Variants in RNF17 observed in about 807,000 individuals in gnomAD.
The protein encoded by RNF17 is ring finger protein 17.
RNF17 carries 31 observed loss-of-function variants against 200.5 expected under a neutral mutation model. The observed-to-expected ratio is 0.15, with a 90% CI of 0.12 to 0.21. The LOEUF (loss-of-function observed/expected upper bound fraction) is 0.21. Among genes scored for constraint, RNF17 ranks in the 10% least tolerant of loss-of-function variants. The probability of loss-of-function intolerance (pLI) is 1.00; values close to 1 mark genes in which losing one functional copy is unlikely to be tolerated. For missense variants in RNF17, 1,628 were observed against 1,905.1 expected (o/e 0.85, Z 2.71); for synonymous variants, 606 against 637.8 (o/e 0.95, Z 0.75).
chr13:24,829,062 A>C (rs969480989), intron 16 of RNF17, among the ~76,000 whole-genome samples: 1 of 152,192 alleles, frequency 6.6e-6, no homozygotes, highest in African/African-American at 2.4e-5. Flanking sequence ...CTGAGATTAC[A>C]GGTGTGAGCC....
intron 1 of RNF17, 105 bp downstream of exon 1, chr13:24,764,438 T>G: frequency 7.1e-7 from 1 of 1,410,990 alleles, no homozygotes; most frequent in South Asian, 1.6e-5. Context: ...CATCCAATCC[T>G]GGTGTCACCA....
chr13:24,853,168 TCTCCCAAAGTG>T (rs1188538026), intron 24 of RNF17, among the ~76,000 whole-genome samples: 1 of 151,990 alleles, frequency 6.6e-6, no homozygotes, highest in East Asian at 1.9e-4. Flanking sequence ...CCTGCCTCAG[TCTCCCAAAGTG>T]CTGGGATTAT....
At chr13:24,884,178 A>G, downstream of RNF17, 1 of 1,614,162 alleles carries the variant, frequency 6.2e-7, no homozygotes, top group Non-Finnish European at 8.5e-7. Context: ...TCCACTTGAG[A>G]AATGTAAGAC....
downstream of RNF17, among the ~76,000 whole-genome samples, chr13:24,884,837 T>C (rs886220109): frequency 4.6e-5 from 7 of 152,210 alleles, no homozygotes; most frequent in Non-Finnish European, 1.0e-4. Context: ...ATTCGAAAAG[T>C]AAATTTTCCA....
chr13:24,850,121 T>C (rs925481615), intron 22 of RNF17, among the ~76,000 whole-genome samples: 12 of 151,942 alleles, frequency 7.9e-5, no homozygotes, highest in African/African-American at 2.7e-4. Context: ...TAAGTTAATA[T>C]GTAATATGGG....
At chr13:24,773,002 A>G (rs1480407587) in intron 2 of RNF17, among the ~76,000 whole-genome samples, 1 of 152,194 alleles carries the variant, frequency 6.6e-6, no homozygotes, top group Non-Finnish European at 1.5e-5. Context: ...ATCAAAACCC[A>G]CAATGAGATA....
At chr13:24,884,339 A>T (rs750428180), downstream of RNF17, 103 of 1,614,084 alleles carry the variant, frequency 6.4e-5, no homozygotes, top group South Asian at 3.3e-4. Flanking sequence ...TTGGTCTGGC[A>T]TGACCTGCTT....
rs71431712 is a variant in RNF17 at position 24,847,349 on chromosome 13, A to T, written c.3101+2270A>T. On this transcript the variant is annotated intron_variant, in intron 22 of 35. Transcript: ENST00000255324. ...ACCTGATCTTTTTATTTATTTATTT[A>T]TTTTTTTTTTTTTTGAGACAGAGTC... Among the ~76,000 whole-genome samples the T allele has an allele frequency of 1.3e-3, 175 of 138,948 alleles. 2 individuals carry two copies. Among genetic ancestry groups the T allele is most frequent in the Middle Eastern group, 7.1e-3 (2 of 282 alleles). The allele number at this position is 138,948 out of a possible 152,430, so 91.2% of individuals were successfully genotyped here.
In RNF17 at chr13:24,840,128, T is replaced by C. The variant is rs1323570454; in HGVS notation, c.2483-1913T>C. ...GGCCAACAAAGGTATGAAAAAATGC[T>C]CAACATCACTAATCATCAGGGAAAT... On this transcript the variant is annotated intron_variant, in intron 18 of 35. Coordinates refer to ENST00000255324, the MANE Select transcript of RNF17 (RefSeq NM_031277.3). 2.6e-5 allele frequency among the ~76,000 whole-genome samples: 4 copies of C among 152,124 alleles called. No homozygotes were observed. In the South Asian group the frequency reaches 6.2e-4, roughly 24 times the overall value.
At chr13:24,833,752 C>T (rs1035302533) in intron 18 of RNF17, among the ~76,000 whole-genome samples, 13 of 152,200 alleles carry the variant, frequency 8.5e-5, no homozygotes, top group Non-Finnish European at 4.4e-5. Context: ...TTCACCTGCA[C>T]AGCAGTAAAA....
upstream of RNF17, chr13:24,764,057 C>A: frequency 1.4e-6 from 1 of 702,074 alleles, no homozygotes; most frequent in Non-Finnish European, 2.3e-6. Flanking sequence ...ACAGCCCCAG[C>A]CCCATCAGGA....
intron 18 of RNF17, 45 bp downstream of exon 18, chr13:24,832,023 A>T (rs1306607496): frequency 7.8e-7 from 1 of 1,287,790 alleles, no homozygotes; most frequent in African/African-American, 1.5e-5. Context: ...ATAATTTTAA[A>T]TAATAATATG....
chr13:24,866,356 C>T (rs1893622422), intron 30 of RNF17, among the ~76,000 whole-genome samples, 153 bp downstream of exon 30: 1 of 138,732 alleles, frequency 7.2e-6, no homozygotes, highest in East Asian at 2.2e-4. Context: ...TGTTTAATAT[C>T]GTTCACTGTT....
At chr13:24,834,148 G>C (rs1432019307) in intron 18 of RNF17, among the ~76,000 whole-genome samples, 2 of 152,046 alleles carry the variant, frequency 1.3e-5, no homozygotes, top group East Asian at 3.9e-4. Flanking sequence ...GCTGATGCCT[G>C]TAATCCCAGT....
chr13:24,884,334 C>T (rs372936942), downstream of RNF17: 1 of 1,614,178 alleles, frequency 6.2e-7, no homozygotes, highest in African/African-American at 1.3e-5. Flanking sequence ...ACTCTTTGGT[C>T]TGGCATGACC....
At chr13:24,835,610 T>C (rs929985142) in intron 18 of RNF17, among the ~76,000 whole-genome samples, 12 of 152,020 alleles carry the variant, frequency 7.9e-5, no homozygotes, top group Admixed American at 6.5e-4. Context: ...GCCACATCCA[T>C]AGGAAAAGGG....
At chr13:24,790,719 G>C (rs940961318) in intron 9 of RNF17, among the ~76,000 whole-genome samples, 21 of 152,190 alleles carry the variant, frequency 1.4e-4, no homozygotes, top group African/African-American at 5.1e-4. Context: ...TGAGGGCCCT[G>C]ATCTCTGCTT....
intron 15 of RNF17, among the ~76,000 whole-genome samples, chr13:24,811,320 T>C (rs1189842006): frequency 6.6e-6 from 1 of 151,964 alleles, no homozygotes; most frequent in Non-Finnish European, 1.5e-5. Flanking sequence ...GTCCCATATT[T>C]CTTGGAGGCT....
the RNF17 span, among the ~76,000 whole-genome samples, chr13:24,888,377 T>G: frequency 2.6e-5 from 4 of 151,698 alleles, no homozygotes; most frequent in African/African-American, 9.7e-5. Flanking sequence ...CACACACACA[T>G]CCAAAATTTT....
Sources: allele counts gnomAD v4.1 joint callset (sites outside exome capture counted in the v4.1 genomes callset), GRCh38; gene constraint gnomAD v4.1.1; transcripts MANE v1.5; gene names NCBI Gene and HGNC (gene_info 2026-07-23, HGNC 2026-07-21).